Variants in HPSE2 observed in about 807,000 individuals in gnomAD.
The protein encoded by HPSE2 is inactive heparanase-2.
HPSE2 carries 38 observed loss-of-function variants against 60.5 expected under a neutral mutation model. That is an observed-to-expected ratio of 0.63 (90% CI 0.48 to 0.82). The LOEUF (loss-of-function observed/expected upper bound fraction) is 0.82. Among genes scored for constraint, HPSE2 ranks in the 40% least tolerant of loss-of-function variants. The pLI is 0.00. For missense variants in HPSE2, 713 were observed against 740.4 expected (o/e 0.96, Z 0.43); for synonymous variants, 295 against 293.2 (o/e 1.01, Z -0.06).
intron 3 of HPSE2, among the ~76,000 whole-genome samples, chr10:98,940,489 T>C (rs1331348659): frequency 1.4e-5 from 2 of 143,584 alleles, no homozygotes; most frequent in Non-Finnish European, 3.0e-5. Flanking sequence ...CTAGAAGAAA[T>C]GGATAAATTC....
At chr10:98,942,284 T>A (rs1213407655) in intron 3 of HPSE2, among the ~76,000 whole-genome samples, 1 of 142,196 alleles carries the variant, frequency 7.0e-6, no homozygotes, top group Non-Finnish European at 1.5e-5. Flanking sequence ...ACCATTAGAG[T>A]GAACAGGAAA....
intron 6 of HPSE2, among the ~76,000 whole-genome samples, chr10:98,666,299 C>T (rs955889638): frequency 2.6e-5 from 4 of 152,136 alleles, no homozygotes; most frequent in Non-Finnish European, 4.4e-5. Flanking sequence ...TCTTCTTGAC[C>T]TATGAAAAGA....
the HPSE2 span, among the ~76,000 whole-genome samples, chr10:99,252,726 A>T: frequency 6.6e-6 from 1 of 151,976 alleles, no homozygotes; most frequent in Non-Finnish European, 1.5e-5. Flanking sequence ...AAATACAAAA[A>T]ATTAGCTGGG....
chr10:98,752,147 T>C (rs1201670382), intron 3 of HPSE2, among the ~76,000 whole-genome samples: 1 of 152,120 alleles, frequency 6.6e-6, no homozygotes, highest in Non-Finnish European at 1.5e-5. Context: ...TCTAGGTTTA[T>C]GAAAGGAATT....
intron 3 of HPSE2, among the ~76,000 whole-genome samples, chr10:98,893,963 A>C (rs1038561488): frequency 6.6e-6 from 1 of 152,192 alleles, no homozygotes; most frequent in Admixed American, 6.5e-5. Context: ...CAACAGTGAA[A>C]ACTGCCTCTC....
chr10:98,778,899 TAAAG>T (rs1355979263), intron 3 of HPSE2, among the ~76,000 whole-genome samples: 1 of 152,192 alleles, frequency 6.6e-6, no homozygotes, highest in Non-Finnish European at 1.5e-5. Flanking sequence ...GAAATTATCT[TAAAG>T]AAGTTGTGAA....
Position 98,697,325 on chromosome 10 carries a change from A to T in HPSE2, c.957-3378T>A, listed in dbSNP as rs193137463. On this transcript the variant is annotated intron_variant, in intron 5 of 11. Coordinates refer to ENST00000370552, the MANE Select transcript of HPSE2 (RefSeq NM_021828.5). ...GAGAGGAACATAAATAACTTGAAGG[A>T]GCTGAAAAACACAGCATGAGAACGT... Among the ~76,000 whole-genome samples the T allele has an allele frequency of 3.7e-3, 557 of 152,336 alleles. 2 individuals carry two copies. Among genetic ancestry groups the T allele is most frequent in the Non-Finnish European group, 6.6e-3 (449 of 68,030 alleles).
At chr10:99,294,544 ACAGGACAGAGCAATACT>A in the HPSE2 span, among the ~76,000 whole-genome samples, 1 of 150,498 alleles carries the variant, frequency 6.6e-6, no homozygotes, top group East Asian at 1.9e-4. Context: ...AACAGCATTC[ACAGGACAGAGCAATACT>A]CATTCTAAGA....
At chr10:99,014,305 G>T (rs1292331783) in intron 3 of HPSE2, among the ~76,000 whole-genome samples, 2 of 152,098 alleles carry the variant, frequency 1.3e-5, no homozygotes, top group Non-Finnish European at 2.9e-5. Context: ...TCTTTTTATG[G>T]CTGCATTCCA....
At chr10:98,964,400 C>A (rs946294582) in intron 3 of HPSE2, among the ~76,000 whole-genome samples, 1 of 152,094 alleles carries the variant, frequency 6.6e-6, no homozygotes, top group Non-Finnish European at 1.5e-5. Context: ...CTAATAACAA[C>A]AGTAATTGTC....
intron 3 of HPSE2, among the ~76,000 whole-genome samples, chr10:98,947,913 T>C (rs1955237333): frequency 6.6e-6 from 1 of 152,132 alleles, no homozygotes; most frequent in African/African-American, 2.4e-5. Flanking sequence ...TCTTTTGATA[T>C]TAAACAACGT....
At chr10:99,095,792 G>A (rs1249908860) in intron 3 of HPSE2, among the ~76,000 whole-genome samples, 1 of 152,118 alleles carries the variant, frequency 6.6e-6, no homozygotes, top group Admixed American at 6.5e-5. Context: ...CCATTCATCA[G>A]TAATTTCTAC....
At chr10:99,210,342 A>T (rs1015229195) in intron 2 of HPSE2, among the ~76,000 whole-genome samples, 2 of 152,200 alleles carry the variant, frequency 1.3e-5, no homozygotes, top group African/African-American at 4.8e-5. Flanking sequence ...TCTACCAAAC[A>T]TTTAAAGAAC....
At chr10:98,820,640 T>G (rs1245235416) in intron 3 of HPSE2, among the ~76,000 whole-genome samples, 2 of 152,204 alleles carry the variant, frequency 1.3e-5, no homozygotes, top group African/African-American at 4.8e-5. Context: ...ATCAGCTCTC[T>G]TTCTTCATTT....
chr10:99,109,559 G>A (rs967672325), intron 3 of HPSE2, among the ~76,000 whole-genome samples: 1 of 152,060 alleles, frequency 6.6e-6, no homozygotes, highest in Non-Finnish European at 1.5e-5. Context: ...GGAAGGTCTT[G>A]TGCTATATGG....
chr10:98,771,705 A>G (rs1319322194), intron 3 of HPSE2, among the ~76,000 whole-genome samples: 2 of 152,196 alleles, frequency 1.3e-5, no homozygotes, highest in African/African-American at 4.8e-5. Context: ...CCAAGAATTC[A>G]GTGACTTCAG....
intron 2 of HPSE2, among the ~76,000 whole-genome samples, chr10:99,160,467 T>C (rs1846782990): frequency 1.3e-5 from 2 of 152,134 alleles, no homozygotes; most frequent in African/African-American, 2.4e-5. Flanking sequence ...CCTCACACAT[T>C]GCTGGTGGGA....
intron 9 of HPSE2, among the ~76,000 whole-genome samples, chr10:98,614,453 C>T (rs1043304012): frequency 2.0e-5 from 3 of 152,018 alleles, no homozygotes; most frequent in African/African-American, 4.8e-5. Context: ...CCATCACACA[C>T]AGCTAATTTT....
At chr10:98,937,471 G>A (rs978493532) in intron 3 of HPSE2, among the ~76,000 whole-genome samples, 1 of 144,392 alleles carries the variant, frequency 6.9e-6, no homozygotes, top group Non-Finnish European at 1.5e-5. Flanking sequence ...CGCCCACGGA[G>A]TCTCGCTGAT....
Sources: gnomAD v4.1 joint callset for allele counts (sites outside exome capture counted in the v4.1 genomes callset) on GRCh38, gnomAD v4.1.1 for gene constraint, MANE v1.5 for transcripts, NCBI Gene and HGNC (gene_info 2026-07-23, HGNC 2026-07-21) for gene names.